PFKP: variants seen among roughly 807,000 people sequenced by gnomAD.
The protein encoded by PFKP is ATP-dependent 6-phosphofructokinase, platelet type.
Under a neutral mutation model 94.3 loss-of-function variants are expected in PFKP, and 101 were observed. The observed-to-expected ratio is 1.07, with a 90% CI of 0.91 to 1.26. The LOEUF (loss-of-function observed/expected upper bound fraction) is 1.26, where lower values mean the gene tolerates loss of function less well. PFKP is among the 50% of genes most tolerant of loss of function. The pLI is 0.00. For synonymous variants in PFKP, 573 were observed against 432.6 expected (o/e 1.32, Z -4.03); for missense variants, 1,145 against 1,103.3 (o/e 1.04, Z -0.53).
intron 1 of PFKP, chr10:3,070,331 C>T (rs1008616079): frequency 6.6e-6 from 1 of 152,242 alleles, no homozygotes; most frequent in Admixed American, 6.5e-5. Flanking sequence ...TAGGTTATTC[C>T]TCGAGAATAT....
At chr10:3,130,313 G>A (rs184428157) in intron 17 of PFKP, among the ~76,000 whole-genome samples, 6 of 152,328 alleles carry the variant, frequency 3.9e-5, no homozygotes, top group Admixed American at 2.6e-4. Flanking sequence ...CCACGTCTGC[G>A]ACAGGCTCTG....
At position 3,133,229 on chromosome 10, in the gene PFKP, C is replaced by G. The variant is rs778381550; in HGVS notation, c.1937C>G (p.Thr646Ser). 5 of 1,613,962 alleles carry G rather than the reference C, an allele frequency of 3.1e-6. No homozygotes were observed. The highest frequency in any genetic ancestry group is 3.3e-5 in the Admixed American group (2 of 60,026). Residue 646 changes from threonine to serine, a missense_variant, in exon 19 of 22, where the codon ACC becomes AGC. This residue lies in a region of PFKP where 1,119 missense variants were observed against 1,062.8 expected (regional missense o/e 1.05). Transcript: ENST00000381125. Reference protein sequence around the residue: ...LRNESCSENYTTDFIYQLYSE... With the variant: ...LRNESCSENYSTDFIYQLYSE... The stretch of plus-strand genomic sequence containing the variant: ...AATGAGAGCTGCAGTGAAAACTACA[C>G]CACCGACTTCATTTACCAGCTGTAT...
intron 16 of PFKP, among the ~76,000 whole-genome samples, chr10:3,123,474 C>T (rs1278545440): frequency 2.6e-5 from 4 of 152,186 alleles, no homozygotes; most frequent in Non-Finnish European, 4.4e-5. Context: ...GGATTTGCAG[C>T]ATTGTGGCTG....
chr10:3,107,744 A>G (rs1345980776), intron 8 of PFKP: 7 of 688,732 alleles, frequency 1.0e-5, no homozygotes, highest in Non-Finnish European at 9.6e-6. Context: ...AGCTGAGCAC[A>G]TTCTTACAAA....
chr10:3,105,084 G>A (rs1193757282), intron 5 of PFKP, 31 bp from the exon 6 acceptor site: 2 of 1,610,016 alleles, frequency 1.2e-6, no homozygotes, highest in Non-Finnish European at 1.7e-6. Context: ...TTTCTGAGCT[G>A]TGTCCGGGGC....
At chr10:3,093,922 C>T (rs373617228) in intron 2 of PFKP, among the ~76,000 whole-genome samples, 19 of 152,314 alleles carry the variant, frequency 1.2e-4, no homozygotes, top group South Asian at 6.2e-4. Flanking sequence ...GGATTACAGG[C>T]GTGAGCCACC....
intron 21 of PFKP, 149 bp from the exon 22 acceptor site, chr10:3,136,301 T>G (rs1839327025): frequency 1.4e-6 from 1 of 699,376 alleles, no homozygotes; most frequent in Non-Finnish European, 2.4e-6. Context: ...TGGTTTCATT[T>G]GATCCTGAAA....
chr10:3,132,821 G>C (rs1251812950), intron 18 of PFKP, among the ~76,000 whole-genome samples: 2 of 152,128 alleles, frequency 1.3e-5, no homozygotes, highest in Non-Finnish European at 2.9e-5. Context: ...GCTTCCATCT[G>C]ATAACCAAGG....
rs184188334 is a variant in PFKP, at chr10:3,087,845, T to C, written c.186+5384T>C. ...CCTACCTCTGGGCGTCTTGGGAACATAAATTCTCATGGACCCTCAGACCGC... is the reference window on the plus strand; with the variant it reads ...CCTACCTCTGGGCGTCTTGGGAACACAAATTCTCATGGACCCTCAGACCGC... On this transcript the variant is annotated intron_variant, in intron 2 of 21. Coordinates refer to ENST00000381125, the MANE Select transcript of PFKP (RefSeq NM_002627.5). Among the ~76,000 whole-genome samples the C allele has an allele frequency of 4.5e-3, 682 of 152,240 alleles. 10 individuals are homozygous for C. Among genetic ancestry groups the C allele is most frequent in the Non-Finnish European group, 3.8e-3 (257 of 68,008 alleles).
intron 2 of PFKP, among the ~76,000 whole-genome samples, chr10:3,088,525 C>T (rs565842809): frequency 4.6e-5 from 7 of 152,254 alleles, no homozygotes; most frequent in African/African-American, 1.2e-4. Context: ...GGGGTGATCC[C>T]GTCACCCAGC....
intron 16 of PFKP, among the ~76,000 whole-genome samples, chr10:3,127,467 G>A (rs1396608424): frequency 6.6e-6 from 1 of 152,230 alleles, no homozygotes; most frequent in Non-Finnish European, 1.5e-5. Context: ...GGGCTGCGGG[G>A]GAGATTCAGT....
chr10:3,075,629 C>T (rs1832519212), intron 1 of PFKP, among the ~76,000 whole-genome samples: 3 of 147,734 alleles, frequency 2.0e-5, no homozygotes. Context: ...ACTCTGGGTG[C>T]CAAGACTCAA....
intron 2 of PFKP, among the ~76,000 whole-genome samples, chr10:3,096,968 C>T (rs1264400841): frequency 1.7e-5 from 2 of 120,386 alleles, no homozygotes; most frequent in Non-Finnish European, 3.6e-5. Flanking sequence ...GTCCCAGCTA[C>T]TAAGGAGGCT....
At chr10:3,078,349 C>A (rs1309608423) in intron 1 of PFKP, among the ~76,000 whole-genome samples, 1 of 152,244 alleles carries the variant, frequency 6.6e-6, no homozygotes, top group African/African-American at 2.4e-5. Context: ...CCTTGCTTTT[C>A]ATCCACCAGT....
chr10:3,104,335 G>A (rs565287832), intron 5 of PFKP, among the ~76,000 whole-genome samples: 12 of 152,354 alleles, frequency 7.9e-5, no homozygotes, highest in South Asian at 6.2e-4. Context: ...ACGAAGTGTC[G>A]TGGGGGCCAC....
Position 3,096,998 on chromosome 10 carries a change from A to C in PFKP, c.187-2277A>C, listed in dbSNP as rs1169710790. ...GAGGCTGAGGTGGGAGAATGGCAGG[A>C]ACCCGGGAGGCGGAGCTTGCAATGA... is the stretch of plus-strand genomic sequence containing the variant. On this transcript the variant is annotated intron_variant, in intron 2 of 21. Coordinates refer to ENST00000381125, the MANE Select transcript of PFKP (RefSeq NM_002627.5). Among the ~76,000 whole-genome samples the C allele has an allele frequency of 4.2e-5, 5 of 117,998 alleles. 2 individuals carry two copies. The highest frequency in any genetic ancestry group is 9.0e-5 in the Non-Finnish European group (5 of 55,292). The allele number at this position is 117,998 out of a possible 152,430, so 77.4% of individuals were successfully genotyped here.
chr10:3,111,401 G>A (rs1239252240), intron 10 of PFKP, among the ~76,000 whole-genome samples: 1 of 152,108 alleles, frequency 6.6e-6, no homozygotes, highest in East Asian at 1.9e-4. Context: ...GGCTTAAAAG[G>A]CTCAGAGCAC....
chr10:3,110,870 G>C (rs1836141520), intron 10 of PFKP, among the ~76,000 whole-genome samples: 1 of 150,822 alleles, frequency 6.6e-6, no homozygotes, highest in South Asian at 2.1e-4. Flanking sequence ...GTTTGTGGTA[G>C]TATGTCTGCA....
chr10:3,135,261 CCAGTGTCCAACTTAGAAAAATGA>C (rs1180502725), intron 20 of PFKP, among the ~76,000 whole-genome samples: 1 of 152,074 alleles, frequency 6.6e-6, no homozygotes, highest in African/African-American at 2.4e-5. Context: ...ACTATCACTG[CCAGTGTCCAACTTAGAAAAATGA>C]CAGTCTATAA....
Sources: allele counts gnomAD v4.1 joint callset (sites outside exome capture counted in the v4.1 genomes callset), GRCh38; gene constraint gnomAD v4.1.1; regional missense constraint gnomAD v4.1.1; transcripts MANE v1.5; gene names NCBI Gene and HGNC (gene_info 2026-07-23, HGNC 2026-07-21).